The following MICAL2 variants were observed in gnomAD, a reference collection of about 807,000 sequenced individuals.
MICAL2 encodes the protein microtubule associated monooxygenase, calponin and LIM domain containing 2.
A neutral mutation model predicts 127.3 loss-of-function variants in MICAL2; 77 were observed. The observed-to-expected ratio is 0.60, with a 90% CI of 0.50 to 0.73. The LOEUF is 0.73. Among genes scored for constraint, MICAL2 ranks in the 30% least tolerant of loss-of-function variants. The pLI is 0.00. For missense variants in MICAL2, 1,351 were observed against 1,434.4 expected (o/e 0.94, Z 0.94); for synonymous variants, 570 against 551.1 (o/e 1.03, Z -0.48).
intron 21 of MICAL2, among the ~76,000 whole-genome samples, chr11:12,244,497 CTGA>C (rs1302974428): frequency 6.6e-6 from 1 of 152,198 alleles, no homozygotes; most frequent in African/African-American, 2.4e-5. Flanking sequence ...TCACATACTG[CTGA>C]TATTTGCCTG....
chr11:12,199,856 TGTTG>T (rs1439636569), intron 3 of MICAL2, among the ~76,000 whole-genome samples: 1 of 152,132 alleles, frequency 6.6e-6, no homozygotes, highest in Non-Finnish European at 1.5e-5. Context: ...TTCCTGCAGG[TGTTG>T]GTTCTGCCCT....
chr11:12,293,808 G>A (rs1436880592), downstream of MICAL2: 4 of 1,607,928 alleles, frequency 2.5e-6, no homozygotes, highest in East Asian at 6.7e-5. Context: ...GACATCGGAA[G>A]CAACCACAGA....
Position 12,135,934 on chromosome 11 carries a change from G to A in MICAL2, c.-148-2456G>A, listed in dbSNP as rs183106963. Among the ~76,000 whole-genome samples the A allele has an allele frequency of 2.0e-5, 3 of 152,300 alleles. No homozygotes were observed. In the East Asian group the frequency reaches 5.8e-4, roughly 29 times the overall value. ...CAGATGGTTCTTGAACAAGTCTTTA[G>A]TGCATTGAAACTCTGAGTTTATTCA... On this transcript the variant is annotated intron_variant, in intron 1 of 27. Coordinates refer to ENST00000683283, the MANE Select transcript of MICAL2 (RefSeq NM_001282663.2).
intron 9 of MICAL2, among the ~76,000 whole-genome samples, chr11:12,220,807 C>A (rs1856728954): frequency 1.3e-5 from 2 of 152,206 alleles, no homozygotes; most frequent in Non-Finnish European, 2.9e-5. Flanking sequence ...CTCATGTGGG[C>A]GGCCCTTTGT....
In MICAL2 at chr11:12,239,470, A is replaced by G. The variant is rs1859563813; in HGVS notation, c.2099A>G (p.Asn700Ser). The G allele has an allele frequency of 1.9e-6, 3 of 1,614,066 alleles. No individual in the cohort carries two copies. Among genetic ancestry groups the G allele is most frequent in the Non-Finnish European group, 2.5e-6 (3 of 1,180,050 alleles). The change falls in exon 17 of 28, where the codon AAT (asparagine) becomes AGT (serine). Residue 700 changes from asparagine to serine, a missense_variant. By Grantham distance (46) the Asn-to-Ser change is conservative. Coordinates refer to ENST00000683283, the MANE Select transcript of MICAL2 (RefSeq NM_001282663.2). ...SNFSSRSLGS[N>S]QECGSSKEGG... is the part of the protein sequence containing the mutation. ...TTTTCCAGCCGTAGCTTGGGCTCCA[A>G]TCAAGAGTGTGGGAGCAGTAAGGAA...
downstream of MICAL2, among the ~76,000 whole-genome samples, chr11:12,289,982 G>A (rs1437876540): frequency 6.6e-6 from 1 of 152,334 alleles, no homozygotes; most frequent in East Asian, 1.9e-4. Context: ...CTCAGAGCCA[G>A]GCAGCTGGTA....
intron 26 of MICAL2, chr11:12,261,557 G>A (rs1863112080): frequency 1.1e-5 from 11 of 985,510 alleles, no homozygotes; most frequent in Non-Finnish European, 1.2e-5. Context: ...TGTATCTGGA[G>A]TTGCTGGGCC....
intron 3 of MICAL2, among the ~76,000 whole-genome samples, chr11:12,199,414 G>A (rs548610292): frequency 5.3e-5 from 8 of 152,252 alleles, no homozygotes; most frequent in South Asian, 2.1e-4. Context: ...TTCTGCACTC[G>A]ACCTCGCTGC....
intron 3 of MICAL2, among the ~76,000 whole-genome samples, chr11:12,201,086 G>A (rs1258892113): frequency 6.6e-6 from 1 of 152,164 alleles, no homozygotes; most frequent in Non-Finnish European, 1.5e-5. Flanking sequence ...CCAAGGAGCT[G>A]TTTGTGGAGT....
chr11:12,220,550 G>GA, intron 9 of MICAL2, 92 bp downstream of exon 9: 1 of 1,496,014 alleles, frequency 6.7e-7, no homozygotes, highest in Non-Finnish European at 8.9e-7. Flanking sequence ...GTGCAGCGGG[G>GA]AGAGGACAGG....
intron 21 of MICAL2, among the ~76,000 whole-genome samples, chr11:12,248,653 T>G (rs1458019102): frequency 7.1e-6 from 1 of 140,794 alleles, no homozygotes; most frequent in Non-Finnish European, 1.6e-5. Context: ...GTGTTTGTTT[T>G]AAAACTGGAT....
At chr11:12,209,131 G>A (rs996519347) in intron 5 of MICAL2, among the ~76,000 whole-genome samples, 2 of 152,174 alleles carry the variant, frequency 1.3e-5, no homozygotes, top group African/African-American at 4.8e-5. Flanking sequence ...GGTCTGTTTA[G>A]CAATGAGAGG....
At chr11:12,239,693 G>A (rs544602395) in intron 17 of MICAL2, 108 bp downstream of exon 17, 23 of 1,348,584 alleles carry the variant, frequency 1.7e-5, no homozygotes, top group African/African-American at 8.7e-5. Context: ...TGGTCCCAAG[G>A]AGACTTGAGC....
At chr11:12,123,606 G>A (rs1850681455) in intron 1 of MICAL2, among the ~76,000 whole-genome samples, 1 of 152,220 alleles carries the variant, frequency 6.6e-6, no homozygotes, top group African/African-American at 2.4e-5. Flanking sequence ...CCATATGTGA[G>A]GCGGTGACAG....
chr11:12,298,624 G>T (rs1864012933), intron 29 of MICAL2, among the ~76,000 whole-genome samples: 1 of 152,052 alleles, frequency 6.6e-6, no homozygotes, highest in East Asian at 1.9e-4. Flanking sequence ...ACTGGCTTCT[G>T]GGTTGACTGA....
intron 2 of MICAL2, among the ~76,000 whole-genome samples, chr11:12,146,231 A>C (rs1332091826): frequency 6.6e-6 from 1 of 152,164 alleles, no homozygotes; most frequent in African/African-American, 2.4e-5. Flanking sequence ...TAATTAAACT[A>C]AAGAGCTTCT....
rs1396804592 is a variant in MICAL2, at chr11:12,174,593, T to C, written c.264+12174T>C. On this transcript the variant is annotated intron_variant, in intron 3 of 27. Coordinates refer to ENST00000683283, the MANE Select transcript of MICAL2 (RefSeq NM_001282663.2). ...TATCCATTCATCCAGTGAGGAACCCTTGTTTTTTTTTTTCTGCTTTTTGGC... is the reference window on the plus strand; with the variant it reads ...TATCCATTCATCCAGTGAGGAACCCCTGTTTTTTTTTTTCTGCTTTTTGGC... 2.0e-5 allele frequency among the ~76,000 whole-genome samples: 3 copies of C among 152,098 alleles called. No individual in the cohort carries two copies. The East Asian group carries it at 5.8e-4, about 29-fold the overall frequency.
At chr11:12,248,264 G>T (rs193292662) in intron 21 of MICAL2, among the ~76,000 whole-genome samples, 1 of 152,124 alleles carries the variant, frequency 6.6e-6, no homozygotes. Flanking sequence ...TCTCACGGGG[G>T]GCTCAGATCC....
chr11:12,299,563 G>A lies in MICAL2; in HGVS notation c.5212+4706G>A, dbSNP rs12576624. ...ACTTGGAGGCATAAACTAATTTCAG[G>A]TACTTGTCAGTGGTCATCTTATAGA... On this transcript the variant is annotated intron_variant, in intron 29 of 34. Coordinates refer to the MICAL2 transcript ENST00000646065. Among the ~76,000 whole-genome samples, 49 of 152,224 alleles carry A rather than the reference G, an allele frequency of 3.2e-4. No individual in the cohort carries two copies. The East Asian group carries it at 8.1e-3, about 25-fold the overall frequency.
Sources: gnomAD v4.1 joint callset for allele counts (sites outside exome capture counted in the v4.1 genomes callset) on GRCh38, gnomAD v4.1.1 for gene constraint, MANE v1.5 for transcripts, NCBI Gene and HGNC (gene_info 2026-07-23, HGNC 2026-07-21) for gene names.